The following FAM20B variants were observed in gnomAD, a reference collection of about 807,000 sequenced individuals.
FAM20B encodes FAM20B glycosaminoglycan xylosylkinase.
A neutral mutation model predicts 43.8 loss-of-function variants in FAM20B; 23 were observed. The observed-to-expected ratio is 0.53, with a 90% CI of 0.38 to 0.74. The LOEUF (loss-of-function observed/expected upper bound fraction) is 0.74. FAM20B is among the 30% of genes least tolerant of loss of function. The pLI is 0.00. For synonymous variants in FAM20B, 178 were observed against 192.4 expected, an observed-to-expected ratio of 0.93 and a Z score of 0.62; for missense variants, 440 against 510.5, an observed-to-expected ratio of 0.86 and a Z score of 1.33.
chr1:179,025,195 C>T (rs182711150), upstream of FAM20B, among the ~76,000 whole-genome samples: 2 of 152,204 alleles, frequency 1.3e-5, no homozygotes, highest in African/African-American at 4.8e-5. Context: ...GGGTGCACTA[C>T]GGTCGGGCAT....
rs1413396726 is a variant in FAM20B at position 179,074,608 on chromosome 1, G to A, written c.*2464G>A. Reference sequence around the variant, plus strand: ...TCATCCTTTCTTGAAAGCATTTGCAGAAAATATATCATTTCATTTTATTCC... The same window carrying A: ...TCATCCTTTCTTGAAAGCATTTGCAAAAAATATATCATTTCATTTTATTCC... On this transcript the variant is annotated 3_prime_UTR_variant, in exon 8 of 8. Coordinates refer to ENST00000263733, the MANE Select transcript of FAM20B (RefSeq NM_014864.4). 1.3e-5 allele frequency: 2 copies of A among 152,198 alleles called. No homozygotes were observed. Among genetic ancestry groups the A allele is most frequent in the African/African-American group, 2.4e-5 (1 of 41,438 alleles). 9.4% of individuals were successfully genotyped at this position (152,198 alleles called of 1,614,324 possible).
At position 179,063,909 on chromosome 1, in the gene FAM20B, C is replaced by A; in HGVS notation, c.575-18C>A. ...TCGTTATTTCCTTAAGTGTATTTGG[C>A]TCCTTTCTGTCCTTTAGGAAACAAT... is the stretch of plus-strand genomic sequence containing the variant. On this transcript the variant is annotated intron_variant, in intron 4 of 7. Transcript: ENST00000263733. 1 of 1,579,448 alleles carries A rather than the reference C, an allele frequency of 6.3e-7. No homozygotes were observed. Among genetic ancestry groups the A allele is most frequent in the Non-Finnish European group, 8.6e-7 (1 of 1,158,282 alleles).
At position 179,037,679 on chromosome 1, in the gene FAM20B, G is replaced by C. The variant is rs150679297; in HGVS notation, c.-133-6036G>C. 6.0e-3 allele frequency among the ~76,000 whole-genome samples: 917 copies of C among 152,004 alleles called. 9 individuals carry two copies. The highest frequency in any genetic ancestry group is 6.9e-3 in the Non-Finnish European group (470 of 67,992). ...TTTTTGTATTTTTCATAGAGATGGGGTTTCGCCGTGTTGTCCAGGCTGGTC... is the reference window on the plus strand; with the variant it reads ...TTTTTGTATTTTTCATAGAGATGGGCTTTCGCCGTGTTGTCCAGGCTGGTC... On this transcript the variant is annotated intron_variant, in intron 1 of 7. Transcript: ENST00000263733.
At chr1:179,045,579 G>C (rs1188578288) in intron 2 of FAM20B, among the ~76,000 whole-genome samples, 1 of 152,148 alleles carries the variant, frequency 6.6e-6, no homozygotes, top group East Asian at 1.9e-4. Flanking sequence ...AATTAGGAAA[G>C]TTAAAACATT....
chr1:179,060,807 T>C (rs528696500), intron 4 of FAM20B, among the ~76,000 whole-genome samples: 1 of 152,352 alleles, frequency 6.6e-6, no homozygotes, highest in African/African-American at 2.4e-5. Flanking sequence ...CATTATCCTA[T>C]ATAGATGTTT....
At chr1:179,055,392 A>T (rs1374960774) in intron 4 of FAM20B, among the ~76,000 whole-genome samples, 1 of 152,104 alleles carries the variant, frequency 6.6e-6, no homozygotes, top group Non-Finnish European at 1.5e-5. Flanking sequence ...GATGAACTTC[A>T]CCTTGCTTTT....
Position 179,050,342 on chromosome 1 carries a change from G to T in FAM20B, c.441G>T (p.Glu147Asp). The T allele has an allele frequency of 1.2e-6, 2 of 1,613,938 alleles. No individual in the cohort carries two copies. The highest frequency in any genetic ancestry group is 1.7e-6 in the Non-Finnish European group (2 of 1,179,808). Residue 147 changes from glutamate to aspartate, a missense_variant, in exon 3 of 8, where the codon GAG (glutamate) becomes GAT (aspartate). Physicochemically the swap from Glu to Asp is conservative, Grantham distance 45. Transcript: ENST00000263733. ...PYAGYDRHNA[E>D]VAAFHLDRIL... Reference sequence around the variant, plus strand: ...CTGGTTATGATAGACACAATGCAGAGGTAGCAGCCTTTCACTTGGACAGGT... The same window carrying T: ...CTGGTTATGATAGACACAATGCAGATGTAGCAGCCTTTCACTTGGACAGGT...
chr1:179,043,227 A>G (rs997601396), intron 1 of FAM20B, among the ~76,000 whole-genome samples: 1 of 152,248 alleles, frequency 6.6e-6, no homozygotes, highest in Non-Finnish European at 1.5e-5. Context: ...CTGGTGTATC[A>G]GCACTGCCCC....
chr1:179,048,307 CA>C (rs1161729597), intron 2 of FAM20B, among the ~76,000 whole-genome samples: 1 of 152,152 alleles, frequency 6.6e-6, no homozygotes, highest in Non-Finnish European at 1.5e-5. Flanking sequence ...TCTGATTTTC[CA>C]TATTTCACAT....
In FAM20B at chr1:179,050,275, G is replaced by A; in HGVS notation, c.378-4G>A. On this transcript the variant is annotated splice_region_variant and splice_polypyrimidine_tract_variant and intron_variant, in intron 2 of 7. Coordinates refer to ENST00000263733, the MANE Select transcript of FAM20B (RefSeq NM_014864.4). Reference sequence around the variant, plus strand: ...TACATCTGTGCTTCCCATTCACTTTGCAGGTATAGCCGAGACCATGTGGTG... The same window carrying A: ...TACATCTGTGCTTCCCATTCACTTTACAGGTATAGCCGAGACCATGTGGTG... 6.2e-7 allele frequency: 1 copy of A among 1,609,720 alleles called. No individual in the cohort carries two copies. Among genetic ancestry groups the A allele is most frequent in the South Asian group, 1.1e-5 (1 of 90,968 alleles).
intron 2 of FAM20B, among the ~76,000 whole-genome samples, chr1:179,049,288 C>G (rs1237604123): frequency 2.0e-5 from 3 of 151,862 alleles, no homozygotes; most frequent in Non-Finnish European, 4.4e-5. Flanking sequence ...AATCTGAGAC[C>G]CAGAGAAGAG....
intron 2 of FAM20B, among the ~76,000 whole-genome samples, chr1:179,046,951 C>T (rs189010429): frequency 1.3e-5 from 2 of 152,168 alleles, no homozygotes; most frequent in East Asian, 1.9e-4. Flanking sequence ...GCCGAGATCA[C>T]GCCATTGCAC....
In FAM20B at chr1:179,063,962, T is replaced by C. The variant is rs1461817727; in HGVS notation, c.610T>C (p.Cys204Arg). ...NTCFYGKCYY[C>R]RETEPACADG... ...TTGTTTTTATGGGAAGTGCTATTAC[T>C]GCCGAGAAACAGAACCAGCTTGTGC... Residue 204 changes from cysteine (C) to arginine (R), a missense_variant, in exon 5 of 8, where the codon TGC becomes CGC. Cys to Arg is a radical substitution (Grantham distance 180). Transcript: ENST00000263733. The C allele has an allele frequency of 2.2e-5, 36 of 1,612,912 alleles. No individual in the cohort carries two copies. The highest frequency in any genetic ancestry group is 3.1e-5 in the Non-Finnish European group (36 of 1,179,414).
At chr1:179,027,154 G>A (rs946289458) in intron 1 of FAM20B, among the ~76,000 whole-genome samples, 1 of 152,082 alleles carries the variant, frequency 6.6e-6, no homozygotes, top group South Asian at 2.1e-4. Context: ...GTTTTTTTTA[G>A]CCTTTAGCCT....
the FAM20B span, among the ~76,000 whole-genome samples, chr1:179,017,714 A>G: frequency 6.6e-6 from 1 of 152,294 alleles, no homozygotes; most frequent in Non-Finnish European, 1.5e-5. Flanking sequence ...ATACAGTCAC[A>G]CAGCATCCAC....
At chr1:179,023,032 GT>G (rs1649632940), upstream of FAM20B, among the ~76,000 whole-genome samples, 1 of 152,226 alleles carries the variant, frequency 6.6e-6, no homozygotes, top group Non-Finnish European at 1.5e-5. Context: ...AGCCCCTTAG[GT>G]TGGAGGATAA....
chr1:179,052,619 A>G (rs1437944866), intron 3 of FAM20B, among the ~76,000 whole-genome samples: 1 of 152,222 alleles, frequency 6.6e-6, no homozygotes, highest in South Asian at 2.1e-4. Flanking sequence ...TATATATACA[A>G]CAGTCTTAGC....
intron 4 of FAM20B, among the ~76,000 whole-genome samples, chr1:179,055,357 A>C (rs1028484167): frequency 1.3e-5 from 2 of 152,220 alleles, no homozygotes; most frequent in Non-Finnish European, 2.9e-5. Context: ...GCATTAGGGC[A>C]TGACTGTTGA....
At chr1:179,070,423 A>G (rs1014922652) in intron 7 of FAM20B, among the ~76,000 whole-genome samples, 1 of 151,790 alleles carries the variant, frequency 6.6e-6, no homozygotes, top group Non-Finnish European at 1.5e-5. Flanking sequence ...TCAAGGTGCC[A>G]GCATCTGACA....
Sources: gnomAD v4.1 joint callset for allele counts (sites outside exome capture counted in the v4.1 genomes callset) on GRCh38, gnomAD v4.1.1 for gene constraint, MANE v1.5 for transcripts, NCBI Gene and HGNC (gene_info 2026-07-23, HGNC 2026-07-21) for gene names.